The following AKAP19 variants were observed in gnomAD, a reference collection of about 807,000 sequenced individuals.
The protein encoded by AKAP19 is small A-kinase anchoring protein.
chr2:190,142,033 C>T, the AKAP19 span, among the ~76,000 whole-genome samples: 2 of 152,100 alleles, frequency 1.3e-5, no homozygotes, highest in Non-Finnish European at 2.9e-5. Context: ...TGTGCATATT[C>T]AAAAATGAGT....
chr2:190,079,165 A>G, the AKAP19 span: 1 of 152,208 alleles, frequency 6.6e-6, no homozygotes, highest in Non-Finnish European at 1.5e-5. Context: ...TAACATGTCC[A>G]AGGCAGAACT....
the AKAP19 span, among the ~76,000 whole-genome samples, chr2:189,981,929 TA>T: frequency 2.0e-5 from 3 of 152,188 alleles, no homozygotes; most frequent in Non-Finnish European, 4.4e-5. Flanking sequence ...TAGCTGCCTC[TA>T]AGATTTTCTT....
chr2:189,968,852 T>C, the AKAP19 span, among the ~76,000 whole-genome samples: 2,242 of 152,142 alleles, frequency 0.015, 56 homozygotes, highest in African/African-American at 0.051. Flanking sequence ...TTTATAAAAA[T>C]AGATATTTGT....
the AKAP19 span, among the ~76,000 whole-genome samples, chr2:190,133,584 G>C: frequency 6.6e-6 from 1 of 152,182 alleles, no homozygotes; most frequent in Non-Finnish European, 1.5e-5. Flanking sequence ...TATGTTCATT[G>C]AGCACTGTTC....
chr2:190,174,574 G>T, the AKAP19 span, among the ~76,000 whole-genome samples: 3 of 152,240 alleles, frequency 2.0e-5, no homozygotes, highest in Admixed American at 2.0e-4. Context: ...AAACTATGTT[G>T]ATCAAATTGG....
chr2:190,117,400 T>G, the AKAP19 span, among the ~76,000 whole-genome samples: 1 of 152,130 alleles, frequency 6.6e-6, no homozygotes, highest in East Asian at 1.9e-4. Context: ...AATAGTAGTA[T>G]ACAATAGGTT....
chr2:189,946,624 C>T, the AKAP19 span, among the ~76,000 whole-genome samples: 141,280 of 152,260 alleles, frequency 0.93, 65,592 homozygotes, highest in East Asian at 0.97. Flanking sequence ...CATTTTTAGT[C>T]CCCAAATTCT....
chr2:190,087,091 A>G, the AKAP19 span, among the ~76,000 whole-genome samples: 3 of 152,238 alleles, frequency 2.0e-5, no homozygotes, highest in Non-Finnish European at 4.4e-5. Flanking sequence ...TCATTTTCAG[A>G]TCTAAGTATT....
chr2:189,965,639 A>T, the AKAP19 span, among the ~76,000 whole-genome samples: 199 of 91,026 alleles, frequency 2.2e-3, no homozygotes, highest in African/African-American at 8.0e-3. Context: ...ATAAAAAAAT[A>T]AAAAAAAAAA....
chr2:189,913,180 GTCTT>G, the AKAP19 span, among the ~76,000 whole-genome samples: 3 of 152,044 alleles, frequency 2.0e-5, no homozygotes, highest in Admixed American at 2.0e-4. Flanking sequence ...TTTGACAAAT[GTCTT>G]TAATAAAAGA....
the AKAP19 span, among the ~76,000 whole-genome samples, chr2:190,103,595 CA>C: frequency 6.6e-6 from 1 of 151,942 alleles, no homozygotes; most frequent in South Asian, 2.1e-4. Context: ...ATAATATCCA[CA>C]AAAAAATAAA....
chr2:190,001,843 T>C, the AKAP19 span, among the ~76,000 whole-genome samples: 4 of 152,086 alleles, frequency 2.6e-5, no homozygotes, highest in African/African-American at 9.7e-5. Context: ...ACTTCTTCTC[T>C]ATGCATATCA....
the AKAP19 span, among the ~76,000 whole-genome samples, chr2:189,931,665 T>G: frequency 3.3e-5 from 5 of 152,146 alleles, no homozygotes; most frequent in Middle Eastern, 3.4e-3. Context: ...TCCTCCTGCC[T>G]CAGCCCCAAA....
At chr2:190,189,737 C>T in the AKAP19 span, 1 of 152,188 alleles carries the variant, frequency 6.6e-6, no homozygotes, top group Non-Finnish European at 1.5e-5. Flanking sequence ...CTCTCACATC[C>T]AATTTCAAAT....
the AKAP19 span, among the ~76,000 whole-genome samples, chr2:190,124,913 A>G: frequency 4.6e-5 from 7 of 152,006 alleles, no homozygotes; most frequent in Non-Finnish European, 8.8e-5. Context: ...AAAATCGAAG[A>G]CAAAAACACA....
chr2:190,021,138 A>G, the AKAP19 span, among the ~76,000 whole-genome samples: 1 of 152,336 alleles, frequency 6.6e-6, no homozygotes, highest in Admixed American at 6.5e-5. Context: ...TCTTTTGGAT[A>G]TATACCCAAT....
the AKAP19 span, among the ~76,000 whole-genome samples, chr2:189,922,040 A>G: frequency 6.6e-6 from 1 of 152,210 alleles, no homozygotes; most frequent in African/African-American, 2.4e-5. Flanking sequence ...AAGGTTCTGG[A>G]AGAGGTAACA....
At chr2:190,173,735 AC>A in the AKAP19 span, among the ~76,000 whole-genome samples, 1 of 152,226 alleles carries the variant, frequency 6.6e-6, no homozygotes, top group African/African-American at 2.4e-5. Context: ...GCTGGAGGAT[AC>A]AGTAAATTCC....
the AKAP19 span, among the ~76,000 whole-genome samples, chr2:190,074,991 T>C: frequency 6.6e-6 from 1 of 151,708 alleles, no homozygotes; most frequent in Admixed American, 6.5e-5. Context: ...TTCTTTGCCG[T>C]GATGAATTTA....
Sources: allele counts gnomAD v4.1 joint callset (sites outside exome capture counted in the v4.1 genomes callset), GRCh38; gene constraint gnomAD v4.1.1; transcripts MANE v1.5; gene names NCBI Gene and HGNC (gene_info 2026-07-23, HGNC 2026-07-21).